DACH2: variants seen among roughly 807,000 people sequenced by gnomAD.
DACH2 encodes the protein dachshund homolog 2.
In DACH2, 17 loss-of-function variants were observed where a neutral mutation model predicts 35.8. The ratio of observed to expected loss-of-function variants is 0.48; its 90% CI spans 0.33 to 0.71. The LOEUF (loss-of-function observed/expected upper bound fraction) is 0.71. Among genes scored for constraint, DACH2 ranks in the 30% least tolerant of loss-of-function variants. The pLI is 0.02. For synonymous variants in DACH2, 195 were observed against 177.3 expected (o/e 1.10, Z -0.79); for missense variants, 469 against 472.7 (o/e 0.99, Z 0.07).
At chrX:86,169,232 C>G (rs964589123) in intron 1 of DACH2, among the ~76,000 whole-genome samples, 1 of 111,585 alleles carries the variant, frequency 9.0e-6, no homozygotes, top group East Asian at 2.8e-4. Context: ...CACTTTCTCC[C>G]GGCCTGTAAG....
intron 2 of DACH2, among the ~76,000 whole-genome samples, chrX:86,443,574 A>G (rs1288790124): frequency 9.1e-6 from 1 of 109,642 alleles, no homozygotes; most frequent in Non-Finnish European, 1.9e-5. Flanking sequence ...AAGTGATGAA[A>G]GTGGGGATCC....
intron 1 of DACH2, among the ~76,000 whole-genome samples, chrX:86,310,557 G>A (rs1396035643): frequency 1.8e-5 from 2 of 111,949 alleles, no homozygotes; most frequent in Non-Finnish European, 3.8e-5. Context: ...CCGTGGTGAA[G>A]GGAAATCTTC....
chrX:86,690,981 T>C (rs1271833292), intron 4 of DACH2, among the ~76,000 whole-genome samples: 2 of 112,198 alleles, frequency 1.8e-5, no homozygotes, highest in Non-Finnish European at 3.8e-5. Context: ...AATGAGGATT[T>C]GCTCCATTTT....
chrX:86,805,441 G>T (rs753612541), intron 7 of DACH2, among the ~76,000 whole-genome samples: 1 of 112,635 alleles, frequency 8.9e-6, no homozygotes, highest in East Asian at 2.8e-4. Context: ...GGGCTGCCAG[G>T]AAGGTCCCTG....
intron 2 of DACH2, among the ~76,000 whole-genome samples, chrX:86,383,333 A>G (rs1311786315): frequency 9.2e-6 from 1 of 108,523 alleles, no homozygotes; most frequent in African/African-American, 3.4e-5. Context: ...GGAAATATGA[A>G]CATTGTCATA....
intron 4 of DACH2, among the ~76,000 whole-genome samples, chrX:86,655,076 A>G (rs1310919279): frequency 9.0e-6 from 1 of 111,250 alleles, no homozygotes; most frequent in East Asian, 2.8e-4. Flanking sequence ...TCCAACTTTT[A>G]TCTGCTTTAG....
At chrX:86,527,966 T>C (rs747268206) in intron 3 of DACH2, among the ~76,000 whole-genome samples, 1 of 112,256 alleles carries the variant, frequency 8.9e-6, no homozygotes, top group African/African-American at 3.2e-5. Flanking sequence ...CATACTTTGT[T>C]TGATCATGAC....
intron 5 of DACH2, among the ~76,000 whole-genome samples, chrX:86,698,521 G>GTTTT (rs767152609): frequency 0.07 from 2,295 of 32,880 alleles, 564 homozygotes; most frequent in Non-Finnish European, 0.088. Context: ...TTAGTTTTGT[G>GTTTT]TTTTTTTTTT....
intron 3 of DACH2, among the ~76,000 whole-genome samples, chrX:86,636,404 C>T (rs775692831): frequency 9.5e-6 from 1 of 105,539 alleles, no homozygotes; most frequent in Non-Finnish European, 1.9e-5. Context: ...GCTGAGATCA[C>T]CCCATTGCAT....
intron 1 of DACH2, among the ~76,000 whole-genome samples, chrX:86,311,463 G>C (rs1319727704): frequency 2.7e-5 from 3 of 111,494 alleles, no homozygotes; most frequent in African/African-American, 6.5e-5. Context: ...GCTCTGCCAG[G>C]CTGGGGCAAA....
Position 86,422,668 on chromosome X carries a change from T to A in DACH2, c.527+45806T>A, listed in dbSNP as rs934512932. On this transcript the variant is annotated intron_variant, in intron 2 of 11. Transcript: ENST00000373125. Reference sequence around the variant, plus strand: ...TCTCTCAAGCATTTACCATTTGAGTTACAATCCAATTACACTCTTTGAGTT... The same window carrying A: ...TCTCTCAAGCATTTACCATTTGAGTAACAATCCAATTACACTCTTTGAGTT... 3.6e-5 allele frequency among the ~76,000 whole-genome samples: 4 copies of A among 111,391 alleles called. No individual in the cohort carries two copies. The Admixed American group carries it at 3.8e-4, about 11-fold the overall frequency.
At chrX:86,389,121 G>C (rs1389549841) in intron 2 of DACH2, among the ~76,000 whole-genome samples, 2 of 111,845 alleles carry the variant, frequency 1.8e-5, no homozygotes, top group African/African-American at 6.5e-5. Flanking sequence ...CTCATTCGTA[G>C]TATCAACTGG....
chrX:86,602,452 G>T (rs1332318128), intron 3 of DACH2, among the ~76,000 whole-genome samples: 1 of 111,855 alleles, frequency 8.9e-6, no homozygotes, highest in African/African-American at 3.2e-5. Context: ...GTATAATTTT[G>T]CATTCCCATT....
chrX:86,224,874 C>T lies in DACH2; in HGVS notation c.488+75766C>T, dbSNP rs180758982. Among the ~76,000 whole-genome samples, 684 of 110,751 alleles carry T rather than the reference C, an allele frequency of 6.2e-3. 6 individuals carry two copies. The highest frequency in any genetic ancestry group is 0.021 in the African/African-American group (653 of 30,526). On this transcript the variant is annotated intron_variant, in intron 1 of 11. Transcript: ENST00000373125. ...GCTGCTTTGTTGTTTCTAATGCAAC[C>T]CCTGCTCAATTTTTTCCCCACAATA...
At chrX:86,321,369 T>C (rs1337869872) in intron 1 of DACH2, among the ~76,000 whole-genome samples, 9 of 112,022 alleles carry the variant, frequency 8.0e-5, no homozygotes, top group African/African-American at 2.9e-4. Flanking sequence ...TTTTCTTTAC[T>C]GAATTGGGAG....
intron 1 of DACH2, among the ~76,000 whole-genome samples, chrX:86,177,138 A>G (rs967434771): frequency 2.7e-5 from 3 of 111,993 alleles, no homozygotes; most frequent in African/African-American, 6.5e-5. Context: ...ATCCGATTAT[A>G]CTTTCTTAGT....
rs142850193 is a variant in DACH2, at chrX:86,196,977, A to C, written c.488+47869A>C. Among the ~76,000 whole-genome samples the C allele has an allele frequency of 3.1e-3, 349 of 111,156 alleles. 2 individuals carry two copies. Among genetic ancestry groups the C allele is most frequent in the Non-Finnish European group, 4.9e-3 (261 of 53,071 alleles). On this transcript the variant is annotated intron_variant, in intron 1 of 11. Transcript: ENST00000373125. Reference sequence around the variant, plus strand: ...ATAATCATCAGATTCTCCAAGGTCGAAATGAAAGAAAAAATGTTAAAGGCA... The same window carrying C: ...ATAATCATCAGATTCTCCAAGGTCGCAATGAAAGAAAAAATGTTAAAGGCA...
chrX:86,425,915 G>T (rs2036886316), intron 2 of DACH2, among the ~76,000 whole-genome samples: 2 of 110,999 alleles, frequency 1.8e-5, no homozygotes, highest in Admixed American at 9.6e-5. Context: ...GTGCCTCGTA[G>T]TAGAAAAATA....
intron 1 of DACH2, among the ~76,000 whole-genome samples, chrX:86,284,434 A>G (rs2034103457): frequency 8.9e-6 from 1 of 111,924 alleles, no homozygotes; most frequent in Non-Finnish European, 1.9e-5. Flanking sequence ...CCCAAGGACA[A>G]ATCCACTTGG....
Sources: gnomAD v4.1 joint callset for allele counts (sites outside exome capture counted in the v4.1 genomes callset) on GRCh38, gnomAD v4.1.1 for gene constraint, MANE v1.5 for transcripts, NCBI Gene and HGNC (gene_info 2026-07-23, HGNC 2026-07-21) for gene names.